The following TMPRSS5 variants were observed in gnomAD, a reference collection of about 807,000 sequenced individuals.
The protein encoded by TMPRSS5 is transmembrane serine protease 5.
In TMPRSS5, 45 loss-of-function variants were observed where a neutral mutation model predicts 59.7. The ratio of observed to expected loss-of-function variants is 0.75; its 90% CI spans 0.59 to 0.97. The LOEUF (loss-of-function observed/expected upper bound fraction) is 0.97. Ranked by LOEUF, TMPRSS5 falls within the 50% of genes least tolerant of loss-of-function variation. The pLI, the probability that TMPRSS5 is intolerant of heterozygous loss-of-function variation, is 0.00. For missense variants in TMPRSS5, 585 were observed against 596.7 expected, an observed-to-expected ratio of 0.98 and a Z score of 0.20; for synonymous variants, 225 against 232.0, an observed-to-expected ratio of 0.97 and a Z score of 0.27.
intron 11 of TMPRSS5, 102 bp from the exon 12 acceptor site, chr11:113,690,019 C>A: frequency 7.5e-7 from 1 of 1,334,026 alleles, no homozygotes; most frequent in Non-Finnish European, 1.0e-6. Flanking sequence ...TACTGGGCCC[C>A]GCCTGCTTCT....
At chr11:113,705,280 A>C (rs538173038) in intron 1 of TMPRSS5, among the ~76,000 whole-genome samples, 1 of 152,306 alleles carries the variant, frequency 6.6e-6, no homozygotes, top group South Asian at 2.1e-4. Flanking sequence ...CTAACCCTCC[A>C]GCAGGAGGAA....
Position 113,693,117 on chromosome 11 carries a change from G to C in TMPRSS5, c.918C>G (p.Asp306Glu). The change falls in exon 9 of 13, where the codon GAC (aspartate) becomes GAG (glutamate). Residue 306 changes from aspartate (D) to glutamate (E), a missense_variant. Coordinates refer to ENST00000299882, the MANE Select transcript of TMPRSS5 (RefSeq NM_030770.4). ...PHPLYSAQNH[D>E]YDVALLRLQT... ...GGAGCCTCAGGAGGGCGACGTCGTA[G>C]TCATGATTCTGGGCACTGTAGAGGG... 6.3e-7 allele frequency: 1 copy of C among 1,593,112 alleles called. No individual in the cohort carries two copies. The highest frequency in any genetic ancestry group is 1.1e-5 in the South Asian group (1 of 87,348).
At position 113,688,290 on chromosome 11, in the gene TMPRSS5, A is replaced by T; in HGVS notation, c.1360-16T>A. ...GGAGGGAGTCCTAGACCAAAAGGGA[A>T]AGGAACTGATTCACAGCATGGCTCT... On this transcript the variant is annotated splice_polypyrimidine_tract_variant and intron_variant, in intron 12 of 12. Transcript: ENST00000299882. The T allele has an allele frequency of 6.5e-7, 1 of 1,545,032 alleles. No individual in the cohort carries two copies. Among genetic ancestry groups the T allele is most frequent in the South Asian group, 1.2e-5 (1 of 84,618 alleles).
intron 7 of TMPRSS5, 108 bp downstream of exon 7, chr11:113,695,292 C>G (rs1232924159): frequency 1.6e-6 from 2 of 1,260,968 alleles, no homozygotes; most frequent in Non-Finnish European, 2.3e-6. Context: ...GGGCAAGACC[C>G]CTACCCCAGG....
chr11:113,699,723 TC>T, intron 2 of TMPRSS5, 30 bp from the exon 3 acceptor site: 1 of 1,545,790 alleles, frequency 6.5e-7, no homozygotes, highest in Non-Finnish European at 8.8e-7. Context: ...GGTATCTGGG[TC>T]CCCTGCTCCT....
chr11:113,699,757 T>G, intron 2 of TMPRSS5, 64 bp from the exon 3 acceptor site: 1 of 1,506,022 alleles, frequency 6.6e-7, no homozygotes, highest in East Asian at 2.5e-5. Flanking sequence ...TACTTCACCC[T>G]AAGTCACCAC....
intron 3 of TMPRSS5, 41 bp downstream of exon 3, chr11:113,699,554 T>C: frequency 6.6e-7 from 1 of 1,518,876 alleles, no homozygotes; most frequent in Non-Finnish European, 8.9e-7. Flanking sequence ...GCTTCTCCCT[T>C]CCAACCTCCC....
intron 1 of TMPRSS5, 22 bp downstream of exon 1, chr11:113,706,200 T>TA (rs1485930166): frequency 6.3e-7 from 1 of 1,596,384 alleles, no homozygotes; most frequent in Non-Finnish European, 8.5e-7. Context: ...ACAGCAGGGA[T>TA]GGCACAGAGA....
chr11:113,698,194 G>A (rs1273298902), intron 4 of TMPRSS5, among the ~76,000 whole-genome samples: 2 of 152,148 alleles, frequency 1.3e-5, no homozygotes, highest in African/African-American at 2.4e-5. Flanking sequence ...CCACCAGAAC[G>A]GTGAGAAAAT....
At chr11:113,698,590 A>G (rs1952992695) in intron 4 of TMPRSS5, among the ~76,000 whole-genome samples, 1 of 151,928 alleles carries the variant, frequency 6.6e-6, no homozygotes, top group African/African-American at 2.4e-5. Context: ...ACTGGCTCCC[A>G]CACACACACA....
In TMPRSS5 at chr11:113,688,237, G is replaced by T; in HGVS notation, c.*23C>A. 6.3e-7 allele frequency: 1 copy of T among 1,576,808 alleles called. No individual in the cohort carries two copies. On this transcript the variant is annotated 3_prime_UTR_variant, in exon 13 of 13. Transcript: ENST00000299882. Reference sequence around the variant, plus strand: ...GAAGCATGAGGCAGTGGTGTGCAGTGAGACTGGAGGAAACAGCAGGACTCA... The same window carrying T: ...GAAGCATGAGGCAGTGGTGTGCAGTTAGACTGGAGGAAACAGCAGGACTCA...
At chr11:113,701,432 G>A (rs1191077863) in intron 1 of TMPRSS5, among the ~76,000 whole-genome samples, 1 of 64,932 alleles carries the variant, frequency 1.5e-5, no homozygotes, top group East Asian at 4.2e-4. Context: ...TAGCAAAAAA[G>A]TGAAGCATTT....
At chr11:113,688,310 G>A (rs1433285907) in intron 12 of TMPRSS5, 36 bp from the exon 13 acceptor site, 2 of 1,452,590 alleles carry the variant, frequency 1.4e-6, no homozygotes, top group Admixed American at 1.9e-5. Flanking sequence ...TTCACAGCAT[G>A]GCTCTACACT....
chr11:113,694,286 T>A, intron 8 of TMPRSS5, 192 bp downstream of exon 8: 1 of 428,438 alleles, frequency 2.3e-6, no homozygotes, highest in Non-Finnish European at 4.1e-6. Context: ...AGAACAAATC[T>A]TCATATTATT....
At position 113,706,306 on chromosome 11, in the gene TMPRSS5, G is replaced by A. The variant is rs551975665; in HGVS notation, c.-82C>T. On this transcript the variant is annotated 5_prime_UTR_variant, in exon 1 of 13. Transcript: ENST00000299882. The stretch of plus-strand genomic sequence containing the variant: ...TGTTCTCAGGCCAGCATTGATTAAA[G>A]CTAGCCCAGCAAGCTTGGTTGGAAG... 6.5e-7 allele frequency: 1 copy of A among 1,540,414 alleles called. No homozygotes were observed. Among genetic ancestry groups the A allele is most frequent in the Non-Finnish European group, 8.8e-7 (1 of 1,132,364 alleles).
rs528678217 is a variant in TMPRSS5, at chr11:113,689,643, G to A, written c.1359+122C>T. ...TCACTTCTTCCTCCACTCACTCTGG[G>A]GAATATGTCCTAGCACCCTCCCCAG... On this transcript the variant is annotated intron_variant, in intron 12 of 12. Transcript: ENST00000299882. 2.7e-5 allele frequency: 28 copies of A among 1,019,338 alleles called. 1 individual carries two copies. In the South Asian group the frequency reaches 5.0e-4, roughly 18 times the overall value. The allele number at this position is 1,019,338 out of a possible 1,614,324, so 63.1% of individuals were successfully genotyped here.
intron 1 of TMPRSS5, among the ~76,000 whole-genome samples, chr11:113,700,502 A>G (rs1399926597): frequency 6.6e-6 from 1 of 151,496 alleles, no homozygotes; most frequent in Non-Finnish European, 1.5e-5. Flanking sequence ...CCCTCAACAC[A>G]CTCCTTCAGC....
intron 8 of TMPRSS5, 175 bp downstream of exon 8, chr11:113,694,303 A>C (rs527291013): frequency 4.1e-6 from 2 of 486,636 alleles, no homozygotes; most frequent in Admixed American, 3.7e-5. Flanking sequence ...TATTACTGTT[A>C]TTTGTGCAGA....
At chr11:113,702,217 C>T (rs1250538149) in intron 1 of TMPRSS5, among the ~76,000 whole-genome samples, 1 of 152,124 alleles carries the variant, frequency 6.6e-6, no homozygotes. Flanking sequence ...GGTTCCAAGT[C>T]TTTGCTATTG....
Sources: allele counts gnomAD v4.1 joint callset (sites outside exome capture counted in the v4.1 genomes callset), GRCh38; gene constraint gnomAD v4.1.1; transcripts MANE v1.5; gene names NCBI Gene and HGNC (gene_info 2026-07-23, HGNC 2026-07-21).